Variants in SGCE observed in about 807,000 individuals in gnomAD.
SGCE encodes the protein sarcoglycan epsilon.
Under a neutral mutation model 57.8 loss-of-function variants are expected in SGCE, and 26 were observed. The observed-to-expected ratio is 0.45, with a 90% CI of 0.33 to 0.62. The LOEUF is 0.62. Ranked by LOEUF, SGCE falls within the 20% of genes least tolerant of loss-of-function variation. The pLI is 0.02. For missense variants in SGCE, 468 were observed against 548.6 expected (o/e 0.85, Z 1.47); for synonymous variants, 183 against 189.5 (o/e 0.97, Z 0.28).
chr7:94,602,231 T>C lies in SGCE; in HGVS notation c.825+1059A>G, dbSNP rs149555967. Among the ~76,000 whole-genome samples the C allele has an allele frequency of 1.2e-4, 19 of 152,132 alleles. No individual in the cohort carries two copies. In the East Asian group the frequency reaches 2.9e-3, roughly 23 times the overall value. On this transcript the variant is annotated intron_variant, in intron 6 of 10. Coordinates refer to ENST00000648936, the MANE Select transcript of SGCE (RefSeq NM_003919.3). ...ATCGTTAGCACCATGATTGAACAAA[T>C]TTTCCTATAATAATTGAGCAAATTT...
rs1325806490 is a variant in SGCE, at chr7:94,618,790, C to T, written c.630G>A (p.Arg210=). 6.2e-7 allele frequency: 1 copy of T among 1,613,918 alleles called. No individual in the cohort carries two copies. The highest frequency in any genetic ancestry group is 1.3e-5 in the African/African-American group (1 of 75,020). The change falls in exon 5 of 11, where the codon AGG becomes AGA. Residue 210 remains arginine (R), a synonymous_variant. Transcript: ENST00000648936. ...NITSALDRGG[R]VPLPINDLKE... ...TCAGGTCATTAATGGGAAGTGGCAC[C>T]CTGCCACCCCTGTCTAGGGCCGATG...
At chr7:94,588,595 G>A (rs1202162560) in intron 10 of SGCE, 94 bp downstream of exon 10, 28 of 1,553,188 alleles carry the variant, frequency 1.8e-5, no homozygotes, top group Middle Eastern at 2.2e-4. Flanking sequence ...CTTATTTGGT[G>A]AAGATAAAGC....
chr7:94,603,561 A>T, intron 5 of SGCE, 109 bp from the exon 6 acceptor site: 5 of 1,006,068 alleles, frequency 5.0e-6, no homozygotes, highest in Admixed American at 2.0e-5. Flanking sequence ...GATTAACTAG[A>T]CTCATCCCTG....
intron 1 of SGCE, among the ~76,000 whole-genome samples, chr7:94,655,323 G>C (rs372761558): frequency 6.6e-6 from 1 of 152,030 alleles, no homozygotes; most frequent in Non-Finnish European, 1.5e-5. Context: ...CACTCGGTAC[G>C]GCAGCATCTC....
chr7:94,633,945 T>A (rs1181533020), intron 1 of SGCE, among the ~76,000 whole-genome samples: 2 of 152,176 alleles, frequency 1.3e-5, no homozygotes, highest in Non-Finnish European at 2.9e-5. Flanking sequence ...TTTTTCTGCA[T>A]CACCAAGAAC....
At chr7:94,607,607 A>G (rs940575100) in intron 5 of SGCE, among the ~76,000 whole-genome samples, 1 of 150,294 alleles carries the variant, frequency 6.7e-6, no homozygotes, top group Admixed American at 6.6e-5. Context: ...GCAATTTGTG[A>G]AAAAAAAAAT....
At chr7:94,604,806 AATATATATAT>A (rs59162734) in intron 5 of SGCE, among the ~76,000 whole-genome samples, 944 of 43,980 alleles carry the variant, frequency 0.021, 15 homozygotes, top group African/African-American at 0.063. Flanking sequence ...ATGGTGCTGG[AATATATATAT>A]ATATATATAT....
intron 1 of SGCE, among the ~76,000 whole-genome samples, chr7:94,649,632 T>TTTGCATTA (rs1430224815): frequency 6.6e-6 from 1 of 152,176 alleles, no homozygotes; most frequent in African/African-American, 2.4e-5. Flanking sequence ...CAAACTGCTG[T>TTTGCATTA]TTGCATTATT....
intron 1 of SGCE, among the ~76,000 whole-genome samples, chr7:94,643,993 G>T (rs906561652): frequency 4.6e-5 from 7 of 152,104 alleles, no homozygotes; most frequent in Non-Finnish European, 8.8e-5. Context: ...AAAGACACTG[G>T]ACTATCCTCA....
chr7:94,607,007 AAAG>A (rs1800240771), intron 5 of SGCE, among the ~76,000 whole-genome samples: 1 of 152,162 alleles, frequency 6.6e-6, no homozygotes, highest in Non-Finnish European at 1.5e-5. Flanking sequence ...ATACATTAGA[AAAG>A]AAGAGAGATC....
chr7:94,637,289 C>T (rs2117025673), intron 1 of SGCE, among the ~76,000 whole-genome samples: 1 of 152,186 alleles, frequency 6.6e-6, no homozygotes, highest in East Asian at 1.9e-4. Flanking sequence ...AAACAATTCT[C>T]CTCATACAGT....
At chr7:94,650,507 A>G (rs1172650397) in intron 1 of SGCE, among the ~76,000 whole-genome samples, 1 of 152,202 alleles carries the variant, frequency 6.6e-6, no homozygotes, top group African/African-American at 2.4e-5. Context: ...TGGGAGAGAT[A>G]GGAGGGTGTG....
intron 1 of SGCE, among the ~76,000 whole-genome samples, chr7:94,650,783 T>A (rs535550483): frequency 1.5e-4 from 23 of 152,222 alleles, no homozygotes; most frequent in Non-Finnish European, 3.4e-4. Context: ...AATCTATCTG[T>A]ACCTTTAACC....
In SGCE at chr7:94,588,334, C is replaced by G. The variant is rs972428031; in HGVS notation, c.1297+355G>C. On this transcript the variant is annotated intron_variant, in intron 10 of 10. Coordinates refer to ENST00000648936, the MANE Select transcript of SGCE (RefSeq NM_003919.3). ...TTGTAAGAGAGCTTGAAACTTCAAG[C>G]TGCTCACTTACTGAGACAAATCCTG... 4 of 1,083,532 alleles carry G rather than the reference C, an allele frequency of 3.7e-6. No homozygotes were observed. The African/African-American group carries it at 5.0e-5, about 13-fold the overall frequency. 67.1% of individuals were successfully genotyped at this position (1,083,532 alleles called of 1,614,324 possible). A position where few individuals can be genotyped will look rare whatever the true frequency, so the allele number is the denominator to read the frequency against.
chr7:94,589,112 A>AC, intron 9 of SGCE: 1 of 245,842 alleles, frequency 4.1e-6, no homozygotes, highest in South Asian at 6.0e-5. Context: ...TAACCTATAC[A>AC]CTTTCAGATC....
intron 5 of SGCE, among the ~76,000 whole-genome samples, chr7:94,603,746 A>T (rs1038444271): frequency 6.6e-6 from 1 of 151,536 alleles, no homozygotes; most frequent in African/African-American, 2.4e-5. Flanking sequence ...ATAAACATGC[A>T]TCATATTCTG....
rs148169153 is a variant in SGCE at position 94,618,841 on chromosome 7, T to C, written c.579A>G (p.Pro193=). The C allele has an allele frequency of 3.7e-6, 6 of 1,614,104 alleles. No individual in the cohort carries two copies. In the African/African-American group the frequency reaches 6.7e-5, roughly 18 times the overall value. Residue 193 remains proline (P), a synonymous_variant, in exon 5 of 11, where the codon CCA becomes CCG. Transcript: ENST00000648936. ...TGATGTTTATGGCGTTCAGGCGCTC[T>C]GGCTGCCACACATTTTTCACTGCGC... is the stretch of plus-strand genomic sequence containing the variant. ...FLGAVKNVWQ[P]ERLNAINITS...
intron 5 of SGCE, among the ~76,000 whole-genome samples, chr7:94,606,057 G>T (rs1352420334): frequency 6.6e-6 from 1 of 152,016 alleles, no homozygotes; most frequent in East Asian, 1.9e-4. Context: ...TCGAACTCCT[G>T]ACCTCAGGTG....
At chr7:94,599,893 A>G (rs1164301406) in intron 7 of SGCE, 170 bp from the exon 8 acceptor site, 8 of 586,156 alleles carry the variant, frequency 1.4e-5, no homozygotes, top group Non-Finnish European at 2.4e-5. Context: ...ATGAGTACAC[A>G]TACAGCGATG....
Sources: gnomAD v4.1 joint callset for allele counts (sites outside exome capture counted in the v4.1 genomes callset) on GRCh38, gnomAD v4.1.1 for gene constraint, MANE v1.5 for transcripts, NCBI Gene and HGNC (gene_info 2026-07-23, HGNC 2026-07-21) for gene names.